The following CFAP44 variants were observed in gnomAD, a reference collection of about 807,000 sequenced individuals.
CFAP44 encodes cilia- and flagella-associated protein 44.
In CFAP44, 134 loss-of-function variants were observed where a neutral mutation model predicts 216.2. That is an observed-to-expected ratio of 0.62 (90% CI 0.54 to 0.72). The LOEUF is 0.72. CFAP44 is among the 30% of genes least tolerant of loss of function. CFAP44 has a pLI of 0.00. For missense variants in CFAP44, 2,035 were observed against 2,182.1 expected, an observed-to-expected ratio of 0.93 and a Z score of 1.34; for synonymous variants, 700 against 727.6, an observed-to-expected ratio of 0.96 and a Z score of 0.61.
At chr3:113,366,564 A>G (rs1380932690) in intron 18 of CFAP44, among the ~76,000 whole-genome samples, 1 of 152,198 alleles carries the variant, frequency 6.6e-6, no homozygotes, top group East Asian at 1.9e-4. Flanking sequence ...TGGTGTACTC[A>G]TAAGAAGAAG....
chr3:113,328,309 T>TTTTTTTTTTTTTTTTTTTGAG, intron 26 of CFAP44, among the ~76,000 whole-genome samples: 1 of 150,270 alleles, frequency 6.7e-6, no homozygotes, highest in Non-Finnish European at 1.5e-5. Context: ...AATCTCTTTC[T>TTTTTTTTTTTTTTTTTTTGAG]AAGATTGAAG....
intron 2 of CFAP44, among the ~76,000 whole-genome samples, chr3:113,431,414 T>C (rs1041202190): frequency 6.6e-6 from 1 of 152,036 alleles, no homozygotes; most frequent in Non-Finnish European, 1.5e-5. Flanking sequence ...ATTAAATCCA[T>C]CAAGGGAAAG....
At chr3:113,441,317 T>C (rs1377935728) in intron 1 of CFAP44, 136 bp downstream of exon 1, 4 of 919,634 alleles carry the variant, frequency 4.3e-6, no homozygotes, top group Non-Finnish European at 5.2e-6. Context: ...AAAAGTTTGC[T>C]GAGCTACCGC....
rs1950190268 is a variant in CFAP44, at chr3:113,326,427, C to G, written c.4516+18G>C. On this transcript the variant is annotated intron_variant, in intron 28 of 34. Transcript: ENST00000393845. Reference sequence around the variant, plus strand: ...TAATGAGAGAAAATAAGATCATATGCAAGAAAGAAATACAAACCAGCATCT... The same window carrying G: ...TAATGAGAGAAAATAAGATCATATGGAAGAAAGAAATACAAACCAGCATCT... 1.4e-6 allele frequency: 2 copies of G among 1,477,240 alleles called. No homozygotes were observed. The highest frequency in any genetic ancestry group is 1.8e-6 in the Non-Finnish European group (2 of 1,123,188). The allele number at this position is 1,477,240 out of a possible 1,614,324, so 91.5% of individuals were successfully genotyped here. A position where few individuals can be genotyped will look rare whatever the true frequency, so the allele number is the denominator to read the frequency against.
intron 2 of CFAP44, among the ~76,000 whole-genome samples, chr3:113,432,861 C>A (rs1162168406): frequency 6.6e-6 from 1 of 152,112 alleles, no homozygotes; most frequent in East Asian, 1.9e-4. Context: ...TGTCATAGTT[C>A]TATAAATTCC....
At chr3:113,430,162 AATGAT>A (rs1935066595) in intron 2 of CFAP44, among the ~76,000 whole-genome samples, 1 of 152,134 alleles carries the variant, frequency 6.6e-6, no homozygotes, top group South Asian at 2.1e-4. Context: ...AGAAACCAAT[AATGAT>A]AAGATACCTT....
chr3:113,324,045 A>AG (rs1950168825), intron 28 of CFAP44, among the ~76,000 whole-genome samples: 1 of 150,234 alleles, frequency 6.7e-6, no homozygotes, highest in Admixed American at 6.6e-5. Flanking sequence ...TCCGTCTCAA[A>AG]AAAAAAAAAA....
intron 4 of CFAP44, 33 bp from the exon 5 acceptor site, chr3:113,420,212 A>T (rs1296417168): frequency 6.3e-7 from 1 of 1,592,326 alleles, no homozygotes; most frequent in Non-Finnish European, 8.6e-7. Flanking sequence ...AAGAAGTGAA[A>T]AACACTACCA....
intron 24 of CFAP44, among the ~76,000 whole-genome samples, chr3:113,334,651 T>C (rs1163302181): frequency 1.3e-5 from 2 of 151,924 alleles, no homozygotes; most frequent in Non-Finnish European, 2.9e-5. Context: ...TTTAGCAAAA[T>C]TAATTAAAGG....
Position 113,288,142 on chromosome 3 carries a change from G to C in CFAP44, c.*3415C>G, listed in dbSNP as rs1949792683. 6.6e-6 allele frequency: 1 copy of C among 152,180 alleles called. No homozygotes were observed. The highest frequency in any genetic ancestry group is 2.1e-4 in the South Asian group (1 of 4,826). The allele number at this position is 152,180 out of a possible 1,614,324, so 9.4% of individuals were successfully genotyped here. A position where few individuals can be genotyped will look rare whatever the true frequency, so the allele number is the denominator to read the frequency against. ...TTGAGTTACAGATGAAATGCCACTT[G>C]AGACAATCTCGTTAAGTGGGGGGCC... On this transcript the variant is annotated 3_prime_UTR_variant, in exon 35 of 35. Coordinates refer to ENST00000393845, the MANE Select transcript of CFAP44 (RefSeq NM_001164496.2).
chr3:113,288,618 T>G lies in CFAP44; in HGVS notation c.*2939A>C, dbSNP rs1460827043. ...CCCACTGGTTTTTACATTTTTTCCT[T>G]TTTCTCCTTGATGATCTAAGGTAGC... On this transcript the variant is annotated 3_prime_UTR_variant, in exon 35 of 35. Coordinates refer to ENST00000393845, the MANE Select transcript of CFAP44 (RefSeq NM_001164496.2). 1 of 152,216 alleles carries G rather than the reference T, an allele frequency of 6.6e-6. No homozygotes were observed. Among genetic ancestry groups the G allele is most frequent in the Admixed American group, 6.5e-5 (1 of 15,280 alleles). The allele number at this position is 152,216 out of a possible 1,614,324, so 9.4% of individuals were successfully genotyped here.
chr3:113,321,425 G>C (rs2107804535), intron 28 of CFAP44, among the ~76,000 whole-genome samples: 1 of 152,298 alleles, frequency 6.6e-6, no homozygotes, highest in South Asian at 2.1e-4. Context: ...ATACTGAATA[G>C]GCAAAAGCTG....
chr3:113,299,220 A>C (rs953176135), intron 32 of CFAP44, among the ~76,000 whole-genome samples: 5 of 152,214 alleles, frequency 3.3e-5, no homozygotes, highest in Non-Finnish European at 5.9e-5. Context: ...CTATAGAAAA[A>C]TATCTACTAA....
chr3:113,366,125 C>T lies in CFAP44; in HGVS notation c.2629G>A (p.Gly877Arg), dbSNP rs770628705. ...SFDDRFLVTA[G>R]ADGNIFVFNI... is the part of the protein sequence containing the mutation. ...AAAACAAAGATATTGCCATCTGCTC[C>T]AGCAGTCACCAAGAAACGATCATCA... Residue 877 changes from glycine to arginine, a missense_variant, in exon 19 of 35, where the codon GGA (glycine) becomes AGA (arginine). Transcript: ENST00000393845. 1.1e-5 allele frequency: 18 copies of T among 1,613,774 alleles called. No homozygotes were observed. The highest frequency in any genetic ancestry group is 3.3e-5 in the Admixed American group (2 of 59,984).
At chr3:113,343,764 T>C (rs947138225) in intron 23 of CFAP44, among the ~76,000 whole-genome samples, 12 of 152,170 alleles carry the variant, frequency 7.9e-5, no homozygotes, top group Admixed American at 4.6e-4. Flanking sequence ...TGTGGAAGGA[T>C]TAAGTATCAG....
chr3:113,344,467 T>A (rs540408931), intron 23 of CFAP44, 49 bp downstream of exon 23: 308 of 1,477,296 alleles, frequency 2.1e-4, no homozygotes, highest in Non-Finnish European at 2.7e-4. Flanking sequence ...CAATTCACTT[T>A]TGAAGTCTTA....
At chr3:113,291,961 C>G (rs1394254405) in intron 34 of CFAP44, among the ~76,000 whole-genome samples, 1 of 152,198 alleles carries the variant, frequency 6.6e-6, no homozygotes, top group African/African-American at 2.4e-5. Flanking sequence ...AGTGCAAATC[C>G]TCTTTGGATG....
chr3:113,365,636 C>A lies in CFAP44; in HGVS notation c.2715+403G>T, dbSNP rs190454485. On this transcript the variant is annotated intron_variant, in intron 19 of 34. Transcript: ENST00000393845. Reference sequence around the variant, plus strand: ...ACTAAAAACAACTATATTTTTGCAACCCCTATCAAAACCACACTTTATGGC... The same window carrying A: ...ACTAAAAACAACTATATTTTTGCAAACCCTATCAAAACCACACTTTATGGC... 1.9e-3 allele frequency among the ~76,000 whole-genome samples: 290 copies of A among 152,158 alleles called. 2 individuals are homozygous for A. The highest frequency in any genetic ancestry group is 5.7e-3 in the African/African-American group (237 of 41,510).
chr3:113,378,044 TTTG>T (rs1289986226), intron 17 of CFAP44, among the ~76,000 whole-genome samples: 2 of 152,250 alleles, frequency 1.3e-5, no homozygotes, highest in African/African-American at 2.4e-5. Flanking sequence ...CTGTTTGTGT[TTTG>T]TTGTTGTTGT....
Sources: allele counts gnomAD v4.1 joint callset (sites outside exome capture counted in the v4.1 genomes callset), GRCh38; gene constraint gnomAD v4.1.1; transcripts MANE v1.5; gene names NCBI Gene and HGNC (gene_info 2026-07-23, HGNC 2026-07-21).